TRA2B: variants seen among roughly 807,000 people sequenced by gnomAD.
TRA2B encodes the protein transformer-2 protein homolog beta.
A neutral mutation model predicts 41.7 loss-of-function variants in TRA2B; 14 were observed. The ratio of observed to expected loss-of-function variants is 0.34; its 90% CI spans 0.22 to 0.53. The LOEUF (loss-of-function observed/expected upper bound fraction) is 0.53, where lower values mean the gene tolerates loss of function less well. Ranked by LOEUF, TRA2B falls within the 20% of genes least tolerant of loss-of-function variation. TRA2B has a pLI of 0.95. For synonymous variants in TRA2B, 130 were observed against 128.8 expected (o/e 1.01, Z -0.06); for missense variants, 167 against 396.8 (o/e 0.42, Z 4.92).
intron 6 of TRA2B, among the ~76,000 whole-genome samples, chr3:185,920,153 C>T (rs1001091227): frequency 4.6e-5 from 7 of 150,972 alleles, no homozygotes; most frequent in African/African-American, 1.7e-4. Flanking sequence ...AGCCACATAC[C>T]CTTGTCATAC....
At position 185,916,205 on chromosome 3, in the gene TRA2B, T is replaced by C. The variant is rs1743494958; in HGVS notation, c.*1510A>G. Reference sequence around the variant, plus strand: ...ACTGCCTATGCTCCATTACTGGTATTTTCCATCACCCAGGTACCCAGATTT... The same window carrying C: ...ACTGCCTATGCTCCATTACTGGTATCTTCCATCACCCAGGTACCCAGATTT... On this transcript the variant is annotated 3_prime_UTR_variant, in exon 9 of 9. Coordinates refer to ENST00000453386, the MANE Select transcript of TRA2B (RefSeq NM_004593.3). 6.6e-6 allele frequency: 1 copy of C among 152,198 alleles called. No individual in the cohort carries two copies. The highest frequency in any genetic ancestry group is 1.5e-5 in the Non-Finnish European group (1 of 68,044). 9.4% of individuals were successfully genotyped at this position (152,198 alleles called of 1,614,324 possible).
chr3:185,935,451 G>A (rs546367006), intron 1 of TRA2B: 2 of 985,120 alleles, frequency 2.0e-6, no homozygotes, highest in African/African-American at 3.5e-5. Context: ...ATCAAACTGA[G>A]AATAATTTAT....
chr3:185,924,155 G>A (rs562028955), intron 3 of TRA2B, 171 bp from the exon 4 acceptor site: 67 of 509,124 alleles, frequency 1.3e-4, no homozygotes, highest in Non-Finnish European at 1.3e-4. Flanking sequence ...AAGTATTTTT[G>A]GGAATGGGTA....
intron 7 of TRA2B, among the ~76,000 whole-genome samples, chr3:185,918,710 G>A (rs1046176884): frequency 3.9e-5 from 6 of 152,062 alleles, no homozygotes; most frequent in Non-Finnish European, 8.8e-5. Context: ...AGAGAGTTTT[G>A]TAAAAGAAAA....
intron 4 of TRA2B, 42 bp downstream of exon 4, chr3:185,923,751 TAAC>T (rs1323690063): frequency 3.3e-6 from 5 of 1,517,174 alleles, no homozygotes; most frequent in Non-Finnish European, 4.4e-6. Flanking sequence ...AACTTGGCGT[TAAC>T]AATAGAACTG....
intron 1 of TRA2B, chr3:185,927,373 AC>A (rs899378945): frequency 2.6e-5 from 4 of 152,252 alleles, no homozygotes; most frequent in Non-Finnish European, 5.9e-5. Context: ...ACTGAAAGCA[AC>A]CAGATGGAGC....
intron 1 of TRA2B, among the ~76,000 whole-genome samples, chr3:185,932,455 A>G (rs1453201677): frequency 6.6e-6 from 1 of 152,176 alleles, no homozygotes; most frequent in East Asian, 1.9e-4. Context: ...CTCTAGTGAG[A>G]TTTTATAGTA....
At chr3:185,922,777 C>T (rs757102399) in intron 4 of TRA2B, 2 of 152,142 alleles carry the variant, frequency 1.3e-5, no homozygotes. Context: ...AATAAAAATA[C>T]CCCGTTTCAA....
At chr3:185,923,628 T>A (rs1487127085) in intron 4 of TRA2B, 168 bp downstream of exon 4, 1 of 540,826 alleles carries the variant, frequency 1.8e-6, no homozygotes, top group South Asian at 4.3e-5. Flanking sequence ...TTCCCCAAGT[T>A]ATACAAAATT....
intron 5 of TRA2B, 109 bp downstream of exon 5, chr3:185,921,902 C>G: frequency 1.5e-6 from 1 of 665,626 alleles, no homozygotes; most frequent in Non-Finnish European, 2.5e-6. Context: ...AATCAATCAA[C>G]AGTCAAGTTT....
chr3:185,926,472 G>A, intron 2 of TRA2B, 129 bp downstream of exon 2: 1 of 1,236,106 alleles, frequency 8.1e-7, no homozygotes, highest in Non-Finnish European at 1.1e-6. Context: ...CAGAACTTAA[G>A]TTCACTTCTA....
At chr3:185,918,111 T>A (rs1439639241) in intron 8 of TRA2B, among the ~76,000 whole-genome samples, 1 of 152,122 alleles carries the variant, frequency 6.6e-6, no homozygotes, top group Non-Finnish European at 1.5e-5. Flanking sequence ...TATTTACTAT[T>A]TCAGTTAGAA....
chr3:185,926,247 T>C (rs764186401), intron 2 of TRA2B, among the ~76,000 whole-genome samples: 10 of 151,848 alleles, frequency 6.6e-5, no homozygotes, highest in Non-Finnish European at 1.3e-4. Flanking sequence ...TTCTAATTAC[T>C]GAAAGCCAAT....
intron 1 of TRA2B, chr3:185,936,979 G>A (rs1744387304): frequency 1.0e-6 from 1 of 985,342 alleles, no homozygotes; most frequent in Non-Finnish European, 1.2e-6. Flanking sequence ...GTATTAGAAC[G>A]CCTCAAAACA....
At chr3:185,928,886 C>G (rs1744050200) in intron 1 of TRA2B, 1 of 152,194 alleles carries the variant, frequency 6.6e-6, no homozygotes, top group South Asian at 2.1e-4. Context: ...AACCTTTATT[C>G]TAAGCTAAGA....
Position 185,921,195 on chromosome 3 carries a change from G to A in TRA2B, c.639-8C>T, listed in dbSNP as rs1263531091. 24 of 1,613,414 alleles carry A rather than the reference G, an allele frequency of 1.5e-5. No homozygotes were observed. The highest frequency in any genetic ancestry group is 1.9e-5 in the Non-Finnish European group (22 of 1,179,722). On this transcript the variant is annotated splice_polypyrimidine_tract_variant and splice_region_variant and intron_variant, in intron 5 of 8. Coordinates refer to ENST00000453386, the MANE Select transcript of TRA2B (RefSeq NM_004593.3). ...CGACGGCGAGAGCTGCCACTATGAA[G>A]AAAAAAATATTCAGGTGACCTCCCT...
At chr3:185,937,440 GCAGCTCGCC>G in intron 1 of TRA2B, 1 of 1,034,166 alleles carries the variant, frequency 9.7e-7, no homozygotes, top group African/African-American at 1.7e-5. Flanking sequence ...TGTGCCTCTG[GCAGCTCGCC>G]CAGCCCGCCA....
At position 185,932,170 on chromosome 3, in the gene TRA2B, T is replaced by C. The variant is rs560235686; in HGVS notation, c.37-5436A>G. On this transcript the variant is annotated intron_variant, in intron 1 of 8. Coordinates refer to ENST00000453386, the MANE Select transcript of TRA2B (RefSeq NM_004593.3). The stretch of plus-strand genomic sequence containing the variant: ...ATTTCACACTTCTTATTATATTCAA[T>C]AGAAAATAGGTTAAGTGTCAAAAGC... Among the ~76,000 whole-genome samples, 36 of 152,246 alleles carry C rather than the reference T, an allele frequency of 2.4e-4. No homozygotes were observed. The South Asian group carries it at 2.7e-3, about 11-fold the overall frequency.
intron 1 of TRA2B, among the ~76,000 whole-genome samples, chr3:185,929,882 T>C (rs73887705): frequency 0.012 from 1,769 of 152,286 alleles, 39 homozygotes; most frequent in African/African-American, 0.037. Context: ...GCAAAGGTTA[T>C]CTTCCTGAAA....
Sources: gnomAD v4.1 joint callset for allele counts (sites outside exome capture counted in the v4.1 genomes callset) on GRCh38, gnomAD v4.1.1 for gene constraint, MANE v1.5 for transcripts, NCBI Gene and HGNC (gene_info 2026-07-23, HGNC 2026-07-21) for gene names.